Variants in PCDHA9 observed in about 807,000 individuals in gnomAD.
The protein encoded by PCDHA9 is protocadherin alpha 9.
Under a neutral mutation model 62.0 loss-of-function variants are expected in PCDHA9, and 62 were observed. The ratio of observed to expected loss-of-function variants is 1.00; its 90% CI spans 0.81 to 1.23. PCDHA9 has a LOEUF of 1.23. Among genes scored for constraint, PCDHA9 ranks in the 50% most tolerant of loss-of-function variants. The pLI is 0.00. For missense variants in PCDHA9, 1,205 were observed against 1,249.8 expected, an observed-to-expected ratio of 0.96 and a Z score of 0.54; for synonymous variants, 557 against 567.6, an observed-to-expected ratio of 0.98 and a Z score of 0.27.
intron 1 of PCDHA9, chr5:140,927,149 T>C: frequency 1.2e-6 from 2 of 1,614,168 alleles, no homozygotes; most frequent in Non-Finnish European, 1.7e-6. Context: ...CGCGAACAGC[T>C]GTGCAGGGCC....
rs2098420299 is a variant in PCDHA9 at position 141,011,351 on chromosome 5, A to G, written c.*1414A>G. The G allele has an allele frequency of 1.3e-5, 2 of 153,694 alleles. No homozygotes were observed. Among genetic ancestry groups the G allele is most frequent in the African/African-American group, 2.4e-5 (1 of 41,410 alleles). 9.5% of individuals were successfully genotyped at this position (153,694 alleles called of 1,614,324 possible). A position where few individuals can be genotyped will look rare whatever the true frequency, so the allele number is the denominator to read the frequency against. On this transcript the variant is annotated 3_prime_UTR_variant, in exon 4 of 4. Transcript: ENST00000532602. ...TGATGTTACCTGAAATCAATCTCCC[A>G]TATGTATGCTGTATGCTATGCTAAG...
chr5:140,852,909 C>T lies in PCDHA9; in HGVS notation c.2394+2020C>T, dbSNP rs2150524759. On this transcript the variant is annotated intron_variant, in intron 1 of 3. Transcript: ENST00000532602. ...TATTTTTTTTTTTGAGTCAGAGTCTCGCTCTGTTGCCCAGGCTGGAGTGCA... is the reference window on the plus strand; with the variant it reads ...TATTTTTTTTTTTGAGTCAGAGTCTTGCTCTGTTGCCCAGGCTGGAGTGCA... The T allele has an allele frequency of 5.3e-4, 419 of 797,890 alleles. 9 individuals carry two copies. The South Asian group carries it at 0.02, about 38-fold the overall frequency. The allele number at this position is 797,890 out of a possible 1,614,324, so 49.4% of individuals were successfully genotyped here.
intron 1 of PCDHA9, chr5:140,875,542 T>G: frequency 6.2e-7 from 1 of 1,614,134 alleles, no homozygotes. Context: ...CCTTGCAGCC[T>G]GGGAGGTGGG....
At chr5:140,968,378 G>A (rs782689152) in intron 1 of PCDHA9, 15 of 1,614,040 alleles carry the variant, frequency 9.3e-6, no homozygotes, top group Non-Finnish European at 1.3e-5. Context: ...CAACTCCTTT[G>A]ACTATGAGAA....
At chr5:140,958,442 T>C (rs1554223476) in intron 1 of PCDHA9, among the ~76,000 whole-genome samples, 1 of 152,178 alleles carries the variant, frequency 6.6e-6, no homozygotes, top group Non-Finnish European at 1.5e-5. Flanking sequence ...AATTTAAAAA[T>C]ACCTTTTATT....
chr5:141,010,438 CA>C lies in PCDHA9; in HGVS notation c.*504del. ...TACAAGGAAGGCAAGAAAACAAAGA[CA>C]AATAAACAGCGGAAGTTATCAGTAT... On this transcript the variant is annotated 3_prime_UTR_variant, in exon 4 of 4. Transcript: ENST00000532602. 1.0e-6 allele frequency: 1 copy of C among 998,926 alleles called. No individual in the cohort carries two copies. The highest frequency in any genetic ancestry group is 1.4e-6 in the Non-Finnish European group (1 of 704,790). The allele number at this position is 998,926 out of a possible 1,614,324, so 61.9% of individuals were successfully genotyped here.
chr5:140,849,663 A>T lies in PCDHA9; in HGVS notation c.1168A>T (p.Thr390Ser). 6.3e-7 allele frequency: 1 copy of T among 1,598,672 alleles called. No individual in the cohort carries two copies. Among genetic ancestry groups the T allele is most frequent in the Non-Finnish European group, 8.6e-7 (1 of 1,167,986 alleles). Residue 390 changes from threonine to serine, a missense_variant, in exon 1 of 4, where the codon ACG becomes TCG. Physicochemically the swap from Thr to Ser is moderately conservative, Grantham distance 58. Coordinates refer to ENST00000532602, the MANE Select transcript of PCDHA9 (RefSeq NM_031857.2). Reference protein sequence around the residue: ...DANGQVTCSLTPHVPFKLVST... With the variant: ...DANGQVTCSLSPHVPFKLVST... ...CAACGGGCAGGTTACCTGCTCCCTGACGCCCCACGTCCCCTTCAAGCTGGT... is the reference window on the plus strand; with the variant it reads ...CAACGGGCAGGTTACCTGCTCCCTGTCGCCCCACGTCCCCTTCAAGCTGGT...
chr5:140,961,599 G>A (rs1012408317), intron 1 of PCDHA9, among the ~76,000 whole-genome samples: 3 of 152,062 alleles, frequency 2.0e-5, no homozygotes, highest in Non-Finnish European at 4.4e-5. Flanking sequence ...AATGATTCTA[G>A]TAAATGAAAC....
intron 1 of PCDHA9, among the ~76,000 whole-genome samples, chr5:140,906,797 A>G (rs2072940556): frequency 6.6e-6 from 1 of 151,964 alleles, no homozygotes; most frequent in African/African-American, 2.4e-5. Context: ...TTCCATGCAT[A>G]CTCTTCCTTA....
intron 3 of PCDHA9, among the ~76,000 whole-genome samples, chr5:140,987,711 T>C (rs2097265419): frequency 6.6e-6 from 1 of 152,208 alleles, no homozygotes; most frequent in South Asian, 2.1e-4. Flanking sequence ...TTTCCAGGTA[T>C]GAGTCTATCC....
intron 1 of PCDHA9, chr5:140,857,554 G>C: frequency 1.3e-6 from 2 of 1,596,880 alleles, no homozygotes; most frequent in Non-Finnish European, 1.7e-6. Flanking sequence ...GCGAGCGCTC[G>C]CTGTCGAGCT....
chr5:140,958,079 T>C (rs182718226), intron 1 of PCDHA9, among the ~76,000 whole-genome samples: 1 of 152,202 alleles, frequency 6.6e-6, no homozygotes, highest in East Asian at 1.9e-4. Context: ...AAGCAAAAAG[T>C]AAAGTTGTAC....
chr5:141,011,325 A>G lies in PCDHA9; in HGVS notation c.*1388A>G, dbSNP rs533115888. 1 of 153,778 alleles carries G rather than the reference A, an allele frequency of 6.5e-6. No individual in the cohort carries two copies. Among genetic ancestry groups the G allele is most frequent in the African/African-American group, 2.4e-5 (1 of 41,456 alleles). 9.5% of individuals were successfully genotyped at this position (153,778 alleles called of 1,614,324 possible). On this transcript the variant is annotated 3_prime_UTR_variant, in exon 4 of 4. Transcript: ENST00000532602. ...TGAATTGCTAATCTTACTAACACCTATGATGTTACCTGAAATCAATCTCCC... is the reference window on the plus strand; with the variant it reads ...TGAATTGCTAATCTTACTAACACCTGTGATGTTACCTGAAATCAATCTCCC...
intron 1 of PCDHA9, among the ~76,000 whole-genome samples, chr5:140,955,355 G>A (rs1406631698): frequency 1.3e-5 from 2 of 152,086 alleles, no homozygotes; most frequent in African/African-American, 4.8e-5. Flanking sequence ...GTTGTGAGAG[G>A]GACCCAGTGG....
intron 1 of PCDHA9, chr5:140,858,018 C>G (rs1562532510): frequency 6.3e-7 from 1 of 1,596,908 alleles, no homozygotes; most frequent in Non-Finnish European, 8.6e-7. Flanking sequence ...GGCGAGCCGT[C>G]GCTGACGGCC....
At chr5:140,991,417 C>G (rs782178829) in intron 3 of PCDHA9, among the ~76,000 whole-genome samples, 79 of 152,196 alleles carry the variant, frequency 5.2e-4, no homozygotes, top group Admixed American at 1.5e-3. Context: ...TATGCTATAA[C>G]AAATTAACCA....
At chr5:140,886,155 T>A (rs528104847) in intron 1 of PCDHA9, among the ~76,000 whole-genome samples, 1 of 152,330 alleles carries the variant, frequency 6.6e-6, no homozygotes, top group South Asian at 2.1e-4. Flanking sequence ...CACCTTTTTA[T>A]AGCCACATCT....
intron 1 of PCDHA9, among the ~76,000 whole-genome samples, chr5:140,902,675 C>G (rs1554190566): frequency 1.3e-5 from 2 of 152,154 alleles, no homozygotes; most frequent in Admixed American, 1.3e-4. Flanking sequence ...GCAGTGTACA[C>G]CGTACCTAAT....
At chr5:140,870,219 CG>C in intron 1 of PCDHA9, 1 of 1,614,152 alleles carries the variant, frequency 6.2e-7, no homozygotes. Flanking sequence ...CCCTGATCAG[CG>C]TGTCTGACCG....
Sources: gnomAD v4.1 joint callset for allele counts (sites outside exome capture counted in the v4.1 genomes callset) on GRCh38, gnomAD v4.1.1 for gene constraint, MANE v1.5 for transcripts, NCBI Gene and HGNC (gene_info 2026-07-23, HGNC 2026-07-21) for gene names.